ANO4: variants seen among roughly 807,000 people sequenced by gnomAD.
The protein encoded by ANO4 is anoctamin-4.
In ANO4, 69 loss-of-function variants were observed where a neutral mutation model predicts 141.9. The ratio of observed to expected loss-of-function variants is 0.49; its 90% CI spans 0.40 to 0.59. The LOEUF (loss-of-function observed/expected upper bound fraction) is 0.59, where lower values mean the gene tolerates loss of function less well. ANO4 is among the 20% of genes least tolerant of loss of function. ANO4 has a pLI of 0.00. For synonymous variants in ANO4, 350 were observed against 394.3 expected (o/e 0.89, Z 1.33); for missense variants, 894 against 1,162.2 (o/e 0.77, Z 3.36).
intron 5 of ANO4, among the ~76,000 whole-genome samples, chr12:100,957,631 C>G (rs568486229): frequency 4.6e-5 from 7 of 152,234 alleles, no homozygotes; most frequent in African/African-American, 1.7e-4. Flanking sequence ...TGCTCTGTTG[C>G]CCAGGCTGGA....
intron 14 of ANO4, among the ~76,000 whole-genome samples, chr12:101,077,587 G>A (rs1428300361): frequency 6.6e-6 from 1 of 152,116 alleles, no homozygotes; most frequent in Non-Finnish European, 1.5e-5. Context: ...CTTAACAACT[G>A]TAACTACTCA....
At chr12:100,789,978 C>T (rs747478458), upstream of ANO4, among the ~76,000 whole-genome samples, 3 of 151,998 alleles carry the variant, frequency 2.0e-5, no homozygotes, top group East Asian at 3.9e-4. Flanking sequence ...GAGGAAGAAG[C>T]GATTAAGTAA....
chr12:100,786,587 C>G lies in ANO4; in HGVS notation c.358+46482C>G, dbSNP rs190286264. Among the ~76,000 whole-genome samples, 181 of 152,268 alleles carry G rather than the reference C, an allele frequency of 1.2e-3. 1 individual carries two copies. The highest frequency in any genetic ancestry group is 4.3e-3 in the African/African-American group (177 of 41,552). On this transcript the variant is annotated intron_variant, in intron 3 of 29. Coordinates refer to the ANO4 transcript ENST00000644049. Reference sequence around the variant, plus strand: ...CTCCAAATTTGAATGCTGGTGAAATCTCTCCATCAAGCCCCTTCTGCCTGG... The same window carrying G: ...CTCCAAATTTGAATGCTGGTGAAATGTCTCCATCAAGCCCCTTCTGCCTGG...
chr12:101,021,231 T>C (rs2046511134), intron 9 of ANO4, among the ~76,000 whole-genome samples: 1 of 151,958 alleles, frequency 6.6e-6, no homozygotes, highest in African/African-American at 2.4e-5. Flanking sequence ...TCTTTGGGAG[T>C]TGCTACATCA....
intron 1 of ANO4, among the ~76,000 whole-genome samples, chr12:100,851,623 T>C (rs369559767): frequency 7.2e-5 from 11 of 152,218 alleles, no homozygotes; most frequent in African/African-American, 2.7e-4. Context: ...TTCATCCATA[T>C]TTTCTCCTAT....
At chr12:101,100,514 A>G (rs2050149507) in intron 22 of ANO4, among the ~76,000 whole-genome samples, 1 of 152,210 alleles carries the variant, frequency 6.6e-6, no homozygotes, top group African/African-American at 2.4e-5. Flanking sequence ...CTAGGGAAGA[A>G]ATCAATTTGG....
intron 25 of ANO4, 78 bp from the exon 26 acceptor site, chr12:101,120,442 C>T: frequency 8.1e-7 from 1 of 1,241,202 alleles, no homozygotes; most frequent in Non-Finnish European, 1.2e-6. Context: ...TGAATGAGGA[C>T]TATATAATGA....
chr12:101,080,805 T>A (rs2049214106), intron 15 of ANO4, among the ~76,000 whole-genome samples: 1 of 149,784 alleles, frequency 6.7e-6, no homozygotes, highest in East Asian at 1.9e-4. Flanking sequence ...CCAGCCTGAG[T>A]GACAGAGTGA....
At chr12:101,027,222 A>C (rs1220847738) in intron 9 of ANO4, among the ~76,000 whole-genome samples, 3 of 152,210 alleles carry the variant, frequency 2.0e-5, no homozygotes, top group African/African-American at 7.2e-5. Context: ...GGGACTGTGC[A>C]ACCCACGGAT....
chr12:101,093,351 A>G (rs555012524), intron 17 of ANO4, among the ~76,000 whole-genome samples: 11 of 152,302 alleles, frequency 7.2e-5, no homozygotes, highest in African/African-American at 2.2e-4. Flanking sequence ...GATGGTCTGA[A>G]GAAGAGATAA....
At chr12:100,928,169 G>T (rs1265838924) in intron 3 of ANO4, among the ~76,000 whole-genome samples, 1 of 151,948 alleles carries the variant, frequency 6.6e-6, no homozygotes, top group Non-Finnish European at 1.5e-5. Context: ...TATGGGGTAT[G>T]GGGGTGAGCG....
intron 3 of ANO4, among the ~76,000 whole-genome samples, chr12:100,784,928 A>AT (rs5800422): frequency 1.1e-4 from 16 of 149,914 alleles, no homozygotes; most frequent in African/African-American, 2.9e-4. Flanking sequence ...TCCTCTCACT[A>AT]TTTTTTTTTT....
At chr12:100,784,274 CTT>C (rs757174126) in intron 3 of ANO4, among the ~76,000 whole-genome samples, 6 of 152,150 alleles carry the variant, frequency 3.9e-5, no homozygotes, top group Non-Finnish European at 5.9e-5. Flanking sequence ...TCCTCCTACT[CTT>C]TCTCTAAGTC....
intron 3 of ANO4, among the ~76,000 whole-genome samples, chr12:100,925,151 G>T (rs896576081): frequency 1.3e-5 from 2 of 152,028 alleles, no homozygotes; most frequent in Admixed American, 6.6e-5. Flanking sequence ...GGTCATTTCT[G>T]GAAGGAAAGA....
chr12:101,116,956 T>C (rs910433109), intron 25 of ANO4, among the ~76,000 whole-genome samples, 158 bp downstream of exon 25: 8 of 152,168 alleles, frequency 5.3e-5, no homozygotes, highest in African/African-American at 1.7e-4. Context: ...AAGCCTTCTC[T>C]TGCCCGGGAT....
chr12:100,981,979 G>A lies in ANO4; in HGVS notation c.603-5560G>A, dbSNP rs543275178. Among the ~76,000 whole-genome samples the A allele has an allele frequency of 6.6e-5, 10 of 152,228 alleles. No homozygotes were observed. In the South Asian group the frequency reaches 2.1e-3, roughly 32 times the overall value. The stretch of plus-strand genomic sequence containing the variant: ...AAACTTGGGAAGCCATCGCAGAGCT[G>A]GCAAGTTTGTACCCATTTGCTTATA... On this transcript the variant is annotated intron_variant, in intron 7 of 27. Transcript: ENST00000392977.
intron 22 of ANO4, 51 bp downstream of exon 22, chr12:101,099,771 G>A (rs1309305165): frequency 7.0e-6 from 10 of 1,429,282 alleles, no homozygotes; most frequent in South Asian, 6.4e-5. Flanking sequence ...TAGATCTCCA[G>A]GTATATTCAA....
At chr12:100,963,778 C>A (rs554121796) in intron 5 of ANO4, among the ~76,000 whole-genome samples, 2 of 152,216 alleles carry the variant, frequency 1.3e-5, no homozygotes, top group Admixed American at 1.3e-4. Context: ...GGAATGTACA[C>A]TTATCCATCA....
chr12:100,963,500 G>T (rs902172430), intron 5 of ANO4, among the ~76,000 whole-genome samples: 1 of 152,048 alleles, frequency 6.6e-6, no homozygotes, highest in Non-Finnish European at 1.5e-5. Flanking sequence ...CTGTGTGTGT[G>T]TGTGTCTGTG....
Sources: gnomAD v4.1 joint callset for allele counts (sites outside exome capture counted in the v4.1 genomes callset) on GRCh38, gnomAD v4.1.1 for gene constraint, MANE v1.5 for transcripts, NCBI Gene and HGNC (gene_info 2026-07-23, HGNC 2026-07-21) for gene names.